Variants in ADAMTS6 observed in about 807,000 individuals in gnomAD.
ADAMTS6 encodes A disintegrin and metalloproteinase with thrombospondin motifs 6.
A neutral mutation model predicts 144.3 loss-of-function variants in ADAMTS6; 23 were observed. The observed-to-expected ratio is 0.16, with a 90% CI of 0.11 to 0.23. The LOEUF (loss-of-function observed/expected upper bound fraction) is 0.23. Ranked by LOEUF, ADAMTS6 falls within the 10% of genes least tolerant of loss-of-function variation. The probability of loss-of-function intolerance (pLI) is 1.00; values close to 1 mark genes in which losing one functional copy is unlikely to be tolerated. For missense variants in ADAMTS6, 999 were observed against 1,379.6 expected, an observed-to-expected ratio of 0.72 and a Z score of 4.37; for synonymous variants, 444 against 457.5, an observed-to-expected ratio of 0.97 and a Z score of 0.38.
At chr5:65,191,003 G>A (rs1674347314) in intron 21 of ADAMTS6, among the ~76,000 whole-genome samples, 2 of 151,900 alleles carry the variant, frequency 1.3e-5, no homozygotes, top group Admixed American at 1.3e-4. Context: ...CCCTCTGATG[G>A]CATTCTTTCT....
intron 14 of ADAMTS6, among the ~76,000 whole-genome samples, chr5:65,258,729 G>A (rs1205317796): frequency 6.6e-6 from 1 of 152,188 alleles, no homozygotes; most frequent in East Asian, 1.9e-4. Context: ...AAGGTGTCAA[G>A]AAAGACTCCA....
chr5:65,319,697 AGGGAG>A (rs1745363894), intron 9 of ADAMTS6, among the ~76,000 whole-genome samples: 1 of 41,114 alleles, frequency 2.4e-5, no homozygotes. Flanking sequence ...GAAGGAAGGA[AGGGAG>A]GGAGGGAGGG....
chr5:65,218,887 T>C (rs1045459656), intron 18 of ADAMTS6, among the ~76,000 whole-genome samples: 2 of 152,278 alleles, frequency 1.3e-5, no homozygotes, highest in East Asian at 3.9e-4. Flanking sequence ...TCTTACATTA[T>C]ACATAAAATG....
intron 14 of ADAMTS6, among the ~76,000 whole-genome samples, chr5:65,244,199 C>T (rs1359492384): frequency 6.6e-6 from 1 of 151,632 alleles, no homozygotes; most frequent in East Asian, 1.9e-4. Flanking sequence ...CCAAGAAAAG[C>T]CATGGGAATA....
intron 8 of ADAMTS6, among the ~76,000 whole-genome samples, chr5:65,331,837 G>A (rs149865617): frequency 2.6e-5 from 4 of 151,894 alleles, no homozygotes; most frequent in Admixed American, 6.6e-5. Context: ...AAGTTAAAAC[G>A]TGTGTGTGTA....
chr5:65,298,195 A>G lies in ADAMTS6; in HGVS notation c.1370+1790T>C, dbSNP rs139862490. Among the ~76,000 whole-genome samples the G allele has an allele frequency of 4.6e-5, 7 of 152,286 alleles. No homozygotes were observed. In the East Asian group the frequency reaches 1.4e-3, roughly 29 times the overall value. On this transcript the variant is annotated intron_variant, in intron 10 of 24. Transcript: ENST00000381055. ...AGACAAGATCTGGTAGAAGATCACA[A>G]CTGGTCCTTGTATTTAGTATACAGA...
At chr5:65,153,098 T>C (rs1264054783) in intron 24 of ADAMTS6, among the ~76,000 whole-genome samples, 3 of 152,216 alleles carry the variant, frequency 2.0e-5, no homozygotes, top group Non-Finnish European at 4.4e-5. Flanking sequence ...ATGAGCCATA[T>C]GATAAACATG....
chr5:65,371,876 G>C (rs962855006), intron 7 of ADAMTS6, among the ~76,000 whole-genome samples: 1 of 152,092 alleles, frequency 6.6e-6, no homozygotes, highest in Non-Finnish European at 1.5e-5. Context: ...CAGAGAGAAA[G>C]GTCAGGTTAC....
At chr5:65,278,211 T>C (rs1313553296) in intron 11 of ADAMTS6, among the ~76,000 whole-genome samples, 2 of 152,230 alleles carry the variant, frequency 1.3e-5, no homozygotes, top group East Asian at 3.9e-4. Context: ...CCAGTTTCTT[T>C]GTTCACTCAT....
At chr5:65,371,329 C>T (rs1056219224) in intron 7 of ADAMTS6, among the ~76,000 whole-genome samples, 16 of 152,084 alleles carry the variant, frequency 1.1e-4, no homozygotes, top group Admixed American at 2.6e-4. Flanking sequence ...CTCCGAACTA[C>T]GGGAGGACAT....
At chr5:65,210,831 G>GAAGATGTAT in intron 20 of ADAMTS6, 1 of 431,034 alleles carries the variant, frequency 2.3e-6, no homozygotes, top group Non-Finnish European at 4.3e-6. Flanking sequence ...ACATGATGGG[G>GAAGATGTAT]AAGATGTATA....
chr5:65,398,357 A>T (rs1324596286), intron 7 of ADAMTS6, among the ~76,000 whole-genome samples: 1 of 152,072 alleles, frequency 6.6e-6, no homozygotes, highest in East Asian at 1.9e-4. Context: ...TGCAGAACTG[A>T]CTCCTTTATC....
At chr5:65,422,121 T>A (rs1756096312) in intron 7 of ADAMTS6, among the ~76,000 whole-genome samples, 1 of 151,100 alleles carries the variant, frequency 6.6e-6, no homozygotes, top group African/African-American at 2.4e-5. Context: ...GAAAAAAAAA[T>A]CCCATTAAAA....
intron 9 of ADAMTS6, among the ~76,000 whole-genome samples, chr5:65,314,950 C>A (rs1000577760): frequency 3.3e-5 from 5 of 152,132 alleles, no homozygotes. Flanking sequence ...TGATCATACA[C>A]CTTGTATCCT....
intron 4 of ADAMTS6, among the ~76,000 whole-genome samples, chr5:65,455,192 G>C (rs1007309754): frequency 6.6e-6 from 1 of 152,036 alleles, no homozygotes; most frequent in Non-Finnish European, 1.5e-5. Context: ...TTAAAATATT[G>C]TGAAAATAAT....
At chr5:65,213,340 A>T (rs867136166) in intron 20 of ADAMTS6, among the ~76,000 whole-genome samples, 1 of 152,132 alleles carries the variant, frequency 6.6e-6, no homozygotes. Context: ...ATTCTGTATG[A>T]GACTAAAAAT....
At position 65,230,637 on chromosome 5, in the gene ADAMTS6, T is replaced by C. The variant is rs1218019666; in HGVS notation, c.1934-4418A>G. ...ATATAACACATATGTATGAAATATA[T>C]ATAACACATATGTATGAAATATATA... On this transcript the variant is annotated intron_variant, in intron 15 of 24. Coordinates refer to ENST00000381055, the MANE Select transcript of ADAMTS6 (RefSeq NM_197941.4). 2.0e-5 allele frequency among the ~76,000 whole-genome samples: 2 copies of C among 101,188 alleles called. 1 individual carries two copies. The highest frequency in any genetic ancestry group is 5.7e-4 in the South Asian group (2 of 3,528). 66.4% of individuals were successfully genotyped at this position (101,188 alleles called of 152,430 possible). A position where few individuals can be genotyped will look rare whatever the true frequency, so the allele number is the denominator to read the frequency against.
intron 7 of ADAMTS6, among the ~76,000 whole-genome samples, chr5:65,388,329 T>C (rs1480454899): frequency 6.6e-6 from 1 of 152,186 alleles, no homozygotes; most frequent in African/African-American, 2.4e-5. Context: ...GCATCTGATG[T>C]ATGCAGCGGA....
intron 24 of ADAMTS6, among the ~76,000 whole-genome samples, chr5:65,167,967 C>T (rs1358572026): frequency 8.1e-6 from 1 of 123,946 alleles, no homozygotes; most frequent in African/African-American, 3.2e-5. Flanking sequence ...CCTTTGAAAA[C>T]TGGCACAAGA....
Sources: allele counts gnomAD v4.1 joint callset (sites outside exome capture counted in the v4.1 genomes callset), GRCh38; gene constraint gnomAD v4.1.1; transcripts MANE v1.5; gene names NCBI Gene and HGNC (gene_info 2026-07-23, HGNC 2026-07-21).